The following TMEM233 variants were observed in gnomAD, a reference collection of about 807,000 sequenced individuals.
TMEM233 encodes the protein dispanin subfamily B member 2.
Under a neutral mutation model 11.2 loss-of-function variants are expected in TMEM233, and 6 were observed. The observed-to-expected ratio is 0.54, with a 90% confidence interval of 0.29 to 1.06. TMEM233 has a LOEUF of 1.06. Among genes scored for constraint, TMEM233 ranks in the 50% least tolerant of loss-of-function variants. The probability of loss-of-function intolerance (pLI) is 0.08; values close to 1 mark genes in which losing one functional copy is unlikely to be tolerated. For missense variants in TMEM233, 127 were observed against 144.7 expected, an observed-to-expected ratio of 0.88 and a Z score of 0.63; for synonymous variants, 59 against 55.8, an observed-to-expected ratio of 1.06 and a Z score of -0.26.
At chr12:119,601,888 A>G (rs1258964633) in intron 1 of TMEM233, among the ~76,000 whole-genome samples, 1 of 152,220 alleles carries the variant, frequency 6.6e-6, no homozygotes, top group East Asian at 1.9e-4. Context: ...AGAAAAGGAC[A>G]CAGGATCCGG....
intron 1 of TMEM233, among the ~76,000 whole-genome samples, chr12:119,598,335 C>T (rs1420410997): frequency 6.6e-6 from 1 of 152,152 alleles, no homozygotes; most frequent in Non-Finnish European, 1.5e-5. Flanking sequence ...AGTTTGTGCC[C>T]ACCCTCAATT....
At chr12:119,622,445 C>G (rs1954662449) in intron 1 of TMEM233, among the ~76,000 whole-genome samples, 1 of 152,192 alleles carries the variant, frequency 6.6e-6, no homozygotes, top group Admixed American at 6.5e-5. Context: ...CCTAGTTCTT[C>G]CACACCAGAT....
intron 1 of TMEM233, among the ~76,000 whole-genome samples, chr12:119,617,789 C>T (rs957451680): frequency 7.9e-5 from 12 of 152,022 alleles, no homozygotes; most frequent in Non-Finnish European, 1.2e-4. Context: ...ACCAAGATCA[C>T]GCCATTGCAC....
intron 1 of TMEM233, among the ~76,000 whole-genome samples, chr12:119,628,237 G>C (rs998997555): frequency 9.3e-5 from 14 of 151,338 alleles, no homozygotes; most frequent in Admixed American, 8.6e-4. Context: ...TCAGCTCACT[G>C]CAACCTCTGC....
chr12:119,651,662 CAA>C, the TMEM233 span, among the ~76,000 whole-genome samples: 5,078 of 142,452 alleles, frequency 0.036, 276 homozygotes, highest in African/African-American at 0.11. Flanking sequence ...ACTAAATATA[CAA>C]AAAAAAAAAA....
intron 1 of TMEM233, among the ~76,000 whole-genome samples, chr12:119,612,249 T>A (rs991862568): frequency 6.6e-6 from 1 of 151,910 alleles, no homozygotes; most frequent in Non-Finnish European, 1.5e-5. Context: ...CACCTCGCAC[T>A]CCCAAAGTGC....
At chr12:119,631,864 T>C (rs1004427680) in intron 2 of TMEM233, among the ~76,000 whole-genome samples, 8 of 152,218 alleles carry the variant, frequency 5.3e-5, no homozygotes, top group South Asian at 2.1e-4. Flanking sequence ...CCACAGAATG[T>C]GTAGGTTGGT....
intron 2 of TMEM233, among the ~76,000 whole-genome samples, chr12:119,633,168 G>T (rs1954917965): frequency 6.6e-6 from 1 of 152,048 alleles, no homozygotes; most frequent in African/African-American, 2.4e-5. Flanking sequence ...TACCACACAG[G>T]CTATCTGGGC....
At chr12:119,621,284 C>T (rs894469424) in intron 1 of TMEM233, among the ~76,000 whole-genome samples, 5 of 152,222 alleles carry the variant, frequency 3.3e-5, no homozygotes, top group Non-Finnish European at 7.3e-5. Context: ...ACGTGATCCC[C>T]TGCCTTGGCC....
rs188352951 is a variant in TMEM233 at position 119,637,172 on chromosome 12, T to C, written c.324-3527T>C. Among the ~76,000 whole-genome samples, 244 of 152,352 alleles carry C rather than the reference T, an allele frequency of 1.6e-3. 2 individuals are homozygous for C. Among genetic ancestry groups the C allele is most frequent in the African/African-American group, 5.5e-3 (230 of 41,572 alleles). On this transcript the variant is annotated intron_variant, in intron 2 of 2. Coordinates refer to ENST00000426426, the MANE Select transcript of TMEM233 (RefSeq NM_001136534.3). Reference sequence around the variant, plus strand: ...TTTTGTTTTTGAGGAACATAAATAGTTGATCTGCCACATGTTAAATGCACA... The same window carrying C: ...TTTTGTTTTTGAGGAACATAAATAGCTGATCTGCCACATGTTAAATGCACA...
chr12:119,610,973 T>C (rs1954386534), intron 1 of TMEM233, among the ~76,000 whole-genome samples: 1 of 152,210 alleles, frequency 6.6e-6, no homozygotes, highest in African/African-American at 2.4e-5. Context: ...AGCATCCTGT[T>C]TTCAGGGTTC....
Position 119,637,213 on chromosome 12 carries a change from C to T in TMEM233, c.324-3486C>T, listed in dbSNP as rs193010916. On this transcript the variant is annotated intron_variant, in intron 2 of 2. Transcript: ENST00000426426. ...TAAATGCACATACAATGTAACTCCCCTGAAGGTACATCTCTGAGTGGTCTT... is the reference window on the plus strand; with the variant it reads ...TAAATGCACATACAATGTAACTCCCTTGAAGGTACATCTCTGAGTGGTCTT... 1.8e-3 allele frequency among the ~76,000 whole-genome samples: 270 copies of T among 152,350 alleles called. 2 individuals are homozygous for T. The highest frequency in any genetic ancestry group is 6.3e-3 in the African/African-American group (261 of 41,578).
At chr12:119,613,015 G>T (rs180929026) in intron 1 of TMEM233, among the ~76,000 whole-genome samples, 33 of 152,036 alleles carry the variant, frequency 2.2e-4, no homozygotes, top group Admixed American at 1.8e-3. Context: ...CAACGTGCAG[G>T]CTTGTTATGT....
chr12:119,600,240 T>C (rs140471639), intron 1 of TMEM233, among the ~76,000 whole-genome samples: 93 of 147,760 alleles, frequency 6.3e-4, no homozygotes, highest in African/African-American at 2.2e-3. Context: ...ATACAAGATG[T>C]AGAAGAAAAC....
chr12:119,624,747 G>A (rs566539701), intron 1 of TMEM233, among the ~76,000 whole-genome samples: 17 of 152,254 alleles, frequency 1.1e-4, no homozygotes, highest in African/African-American at 2.9e-4. Context: ...GAAAATTCCA[G>A]AGATAGATGG....
intron 2 of TMEM233, among the ~76,000 whole-genome samples, chr12:119,638,648 T>C (rs916651330): frequency 1.3e-5 from 2 of 152,126 alleles, no homozygotes; most frequent in Non-Finnish European, 1.5e-5. Flanking sequence ...TTGTTTGCAA[T>C]AGGAGAAACC....
At chr12:119,653,971 TAAA>T in the TMEM233 span, among the ~76,000 whole-genome samples, 21 of 139,590 alleles carry the variant, frequency 1.5e-4, no homozygotes, top group South Asian at 2.3e-4. Context: ...TCCAAGAAGC[TAAA>T]AAAAAAAAAA....
chr12:119,604,296 T>C (rs1954222052), intron 1 of TMEM233, among the ~76,000 whole-genome samples: 1 of 152,244 alleles, frequency 6.6e-6, no homozygotes. Flanking sequence ...AACCAAATGC[T>C]GAGTTGAGCA....
intron 1 of TMEM233, among the ~76,000 whole-genome samples, chr12:119,606,281 G>A (rs1185836710): frequency 6.7e-6 from 1 of 149,158 alleles, no homozygotes; most frequent in African/African-American, 2.5e-5. Flanking sequence ...CAGATGGAGG[G>A]GAGTATAAGG....
Sources: gnomAD v4.1 joint callset for allele counts (sites outside exome capture counted in the v4.1 genomes callset) on GRCh38, gnomAD v4.1.1 for gene constraint, MANE v1.5 for transcripts, NCBI Gene and HGNC (gene_info 2026-07-23, HGNC 2026-07-21) for gene names.